DAP: variants seen among roughly 807,000 people sequenced by gnomAD.
The protein encoded by DAP is death-associated protein 1.
A neutral mutation model predicts 13.8 loss-of-function variants in DAP; 8 were observed. That is an observed-to-expected ratio of 0.58 (90% CI 0.34 to 1.05). DAP has a LOEUF of 1.05. Among genes scored for constraint, DAP ranks in the 50% least tolerant of loss-of-function variants. DAP has a pLI of 0.03. For synonymous variants in DAP, 47 were observed against 47.5 expected, an observed-to-expected ratio of 0.99 and a Z score of 0.04; for missense variants, 106 against 133.2, an observed-to-expected ratio of 0.80 and a Z score of 1.01.
At chr5:10,755,512 T>C (rs1199142338) in intron 1 of DAP, among the ~76,000 whole-genome samples, 1 of 152,170 alleles carries the variant, frequency 6.6e-6, no homozygotes, top group Non-Finnish European at 1.5e-5. Flanking sequence ...CGACCTACAC[T>C]TGTCCCCTCA....
chr5:10,700,879 A>T (rs372287946), intron 2 of DAP, among the ~76,000 whole-genome samples: 2 of 152,372 alleles, frequency 1.3e-5, no homozygotes, highest in East Asian at 1.9e-4. Flanking sequence ...ACATTCTGTT[A>T]TCTCAAACCA....
At chr5:10,758,887 G>C (rs909513895) in intron 1 of DAP, among the ~76,000 whole-genome samples, 5 of 152,204 alleles carry the variant, frequency 3.3e-5, no homozygotes, top group Non-Finnish European at 5.9e-5. Context: ...ATTTCTCCCA[G>C]GGAGTGAGTA....
intron 2 of DAP, among the ~76,000 whole-genome samples, chr5:10,695,798 C>G (rs1187032530): frequency 1.3e-5 from 2 of 152,142 alleles, no homozygotes; most frequent in Non-Finnish European, 2.9e-5. Flanking sequence ...AAATATTTCT[C>G]TCCAGGTAGC....
intron 2 of DAP, among the ~76,000 whole-genome samples, chr5:10,747,880 G>A (rs1406306174): frequency 6.6e-6 from 1 of 151,240 alleles, no homozygotes; most frequent in Non-Finnish European, 1.5e-5. Flanking sequence ...CACCTGGGCA[G>A]GTGGAGGTAG....
chr5:10,716,295 T>C (rs1226614629), intron 2 of DAP, among the ~76,000 whole-genome samples: 2 of 152,194 alleles, frequency 1.3e-5, no homozygotes, highest in East Asian at 3.8e-4. Flanking sequence ...AACACATCTA[T>C]CGTGCAGAGT....
At chr5:10,692,696 G>GTACC (rs1738335254) in intron 2 of DAP, among the ~76,000 whole-genome samples, 1 of 152,114 alleles carries the variant, frequency 6.6e-6, no homozygotes, top group Non-Finnish European at 1.5e-5. Flanking sequence ...CACCCCACAT[G>GTACC]TACCTACTCA....
intron 2 of DAP, among the ~76,000 whole-genome samples, chr5:10,736,958 C>T (rs567320620): frequency 7.9e-5 from 12 of 152,352 alleles, no homozygotes; most frequent in African/African-American, 2.6e-4. Context: ...TGCCTTTGGC[C>T]AGTGCAGGGC....
chr5:10,690,700 C>CTGA (rs5745270), intron 2 of DAP, among the ~76,000 whole-genome samples: 12,853 of 152,276 alleles, frequency 0.084, 744 homozygotes, highest in East Asian at 0.29. Context: ...CATTCATCTG[C>CTGA]TGATGGACAC....
chr5:10,690,650 A>G (rs766464133), intron 2 of DAP, among the ~76,000 whole-genome samples: 10 of 152,228 alleles, frequency 6.6e-5, no homozygotes, highest in Non-Finnish European at 1.3e-4. Flanking sequence ...TTGAGGCTGA[A>G]TAACATTCCA....
At chr5:10,731,899 G>A (rs1739470127) in intron 2 of DAP, among the ~76,000 whole-genome samples, 1 of 152,228 alleles carries the variant, frequency 6.6e-6, no homozygotes, top group Non-Finnish European at 1.5e-5. Flanking sequence ...GGGCAGAGAG[G>A]TGGCCCTGGA....
intron 2 of DAP, among the ~76,000 whole-genome samples, chr5:10,708,489 T>G (rs934375021): frequency 6.6e-6 from 1 of 151,590 alleles, no homozygotes; most frequent in Non-Finnish European, 1.5e-5. Flanking sequence ...AAACAAACAA[T>G]TCTGCCCCTT....
intron 2 of DAP, among the ~76,000 whole-genome samples, chr5:10,708,457 ACACACACG>A (rs931309362): frequency 2.4e-4 from 36 of 150,232 alleles, no homozygotes; most frequent in African/African-American, 8.5e-4. Context: ...ACACACACAC[ACACACACG>A]CACATATCTC....
chr5:10,748,131 G>C (rs770752556), intron 2 of DAP, 44 bp downstream of exon 2: 1 of 1,344,124 alleles, frequency 7.4e-7, no homozygotes, highest in Non-Finnish European at 1.1e-6. Context: ...TAACCGAATA[G>C]GGTTTTTGGA....
At chr5:10,721,675 G>GA (rs1276163335) in intron 2 of DAP, among the ~76,000 whole-genome samples, 2 of 152,162 alleles carry the variant, frequency 1.3e-5, no homozygotes, top group Non-Finnish European at 1.5e-5. Flanking sequence ...ATGAAGCAGG[G>GA]AAAAAACCAC....
intron 2 of DAP, among the ~76,000 whole-genome samples, chr5:10,687,928 T>TTTTA (rs140341146): frequency 1.4e-4 from 20 of 139,502 alleles, no homozygotes; most frequent in African/African-American, 5.4e-4. Flanking sequence ...TTTTTTTTTT[T>TTTTA]ACAGAGGGAG....
At chr5:10,745,120 T>TA (rs1446710697) in intron 2 of DAP, among the ~76,000 whole-genome samples, 2 of 152,166 alleles carry the variant, frequency 1.3e-5, no homozygotes, top group Non-Finnish European at 2.9e-5. Context: ...TTGATTATGA[T>TA]TATTCAATCA....
intron 3 of DAP, 161 bp downstream of exon 3, chr5:10,683,368 C>T (rs1738072055): frequency 5.0e-6 from 4 of 795,700 alleles, no homozygotes; most frequent in South Asian, 1.4e-5. Flanking sequence ...GCAGAAGCAG[C>T]CTCTGGGGAA....
Position 10,760,994 on chromosome 5 carries a change from G to C in DAP, c.55+20C>G. On this transcript the variant is annotated intron_variant, in intron 1 of 3. Coordinates refer to ENST00000230895, the MANE Select transcript of DAP (RefSeq NM_004394.3). The stretch of plus-strand genomic sequence containing the variant: ...CGCCCCCGGCACCCGCGCGTGGAGA[G>C]AGAGGAAAAGAGTCAGTACCGGCGG... 8.2e-7 allele frequency: 1 copy of C among 1,225,728 alleles called. No individual in the cohort carries two copies. Among genetic ancestry groups the C allele is most frequent in the Non-Finnish European group, 1.0e-6 (1 of 972,392 alleles). 75.9% of individuals were successfully genotyped at this position (1,225,728 alleles called of 1,614,324 possible). A position where few individuals can be genotyped will look rare whatever the true frequency, so the allele number is the denominator to read the frequency against.
intron 2 of DAP, among the ~76,000 whole-genome samples, chr5:10,745,027 C>T (rs574491870): frequency 1.3e-5 from 2 of 152,292 alleles, no homozygotes; most frequent in African/African-American, 4.8e-5. Flanking sequence ...AGCAGTAGCA[C>T]AGATCAAATG....
Sources: allele counts gnomAD v4.1 joint callset (sites outside exome capture counted in the v4.1 genomes callset), GRCh38; gene constraint gnomAD v4.1.1; transcripts MANE v1.5; gene names NCBI Gene and HGNC (gene_info 2026-07-23, HGNC 2026-07-21).